The following CMTM7 variants were observed in gnomAD, a reference collection of about 807,000 sequenced individuals.
CMTM7 encodes CKLF like MARVEL transmembrane domain containing 7.
Under a neutral mutation model 19.3 loss-of-function variants are expected in CMTM7, and 7 were observed. The observed-to-expected ratio is 0.36, with a 90% confidence interval of 0.21 to 0.68. CMTM7 has a LOEUF of 0.68. CMTM7 is among the 30% of genes least tolerant of loss of function. CMTM7 has a pLI of 0.60. For missense variants in CMTM7, 193 were observed against 232.6 expected (o/e 0.83, Z 1.11); for synonymous variants, 87 against 99.3 (o/e 0.88, Z 0.74).
intron 1 of CMTM7, among the ~76,000 whole-genome samples, chr3:32,407,949 G>A (rs1369242352): frequency 6.6e-6 from 1 of 152,178 alleles, no homozygotes. Context: ...CAGAACCTGA[G>A]AATGTTCCCT....
rs1696882290 is a variant in CMTM7 at position 32,454,550 on chromosome 3, T to C, written c.*296T>C. On this transcript the variant is annotated 3_prime_UTR_variant, in exon 5 of 5. Coordinates refer to ENST00000334983, the MANE Select transcript of CMTM7 (RefSeq NM_138410.4). ...CTTCTAGAACCACCTCAGGTACTGA[T>C]GAACCCCACTTAGCACAGCTGAAGG... The C allele has an allele frequency of 1.6e-6, 1 of 637,072 alleles. No individual in the cohort carries two copies. The highest frequency in any genetic ancestry group is 1.8e-5 in the African/African-American group (1 of 55,830). The allele number at this position is 637,072 out of a possible 1,614,324, so 39.5% of individuals were successfully genotyped here.
Position 32,435,431 on chromosome 3 carries a change from C to G in CMTM7, c.160-6409C>G, listed in dbSNP as rs1393129301. The stretch of plus-strand genomic sequence containing the variant: ...AAGAAAAAAGAAAGAAATATTCATA[C>G]AGATACAAAGAAGTACATCTAATTC... On this transcript the variant is annotated intron_variant, in intron 1 of 4. Transcript: ENST00000334983. Among the ~76,000 whole-genome samples, 3 of 152,310 alleles carry G rather than the reference C, an allele frequency of 2.0e-5. No individual in the cohort carries two copies. In the East Asian group the frequency reaches 5.8e-4, roughly 29 times the overall value.
At position 32,401,406 on chromosome 3, in the gene CMTM7, G is replaced by T. The variant is rs559921375; in HGVS notation, c.159+9341G>T. ...GTCCTCCAGGCTGCAGGCAGCCAGG[G>T]CGTAAGTGGGTAGAGGAGGGGTTCG... On this transcript the variant is annotated intron_variant, in intron 1 of 4. Coordinates refer to ENST00000334983, the MANE Select transcript of CMTM7 (RefSeq NM_138410.4). 1.2e-4 allele frequency among the ~76,000 whole-genome samples: 19 copies of T among 152,348 alleles called. No individual in the cohort carries two copies. In the East Asian group the frequency reaches 3.3e-3, roughly 26 times the overall value.
chr3:32,415,709 G>C (rs1037951761), intron 1 of CMTM7, among the ~76,000 whole-genome samples: 1 of 152,192 alleles, frequency 6.6e-6, no homozygotes, highest in African/African-American at 2.4e-5. Context: ...CCTTTCAGTA[G>C]TCTAGTGAGA....
chr3:32,398,142 G>A (rs1392089895), intron 1 of CMTM7, among the ~76,000 whole-genome samples: 1 of 152,146 alleles, frequency 6.6e-6, no homozygotes, highest in Non-Finnish European at 1.5e-5. Context: ...CAGAATTGGG[G>A]TAATTATCTT....
At chr3:32,442,094 C>A in intron 2 of CMTM7, 81 bp downstream of exon 2, 1 of 1,318,250 alleles carries the variant, frequency 7.6e-7, no homozygotes, top group South Asian at 1.3e-5. Context: ...CAGAGTTTTT[C>A]CCGTCTGCCC....
At chr3:32,442,416 C>T (rs987535128) in intron 2 of CMTM7, among the ~76,000 whole-genome samples, 4 of 141,502 alleles carry the variant, frequency 2.8e-5, no homozygotes, top group African/African-American at 7.9e-5. Context: ...AGGAGAATGG[C>T]GTGAACCCGG....
chr3:32,454,882 C>T lies in CMTM7; in HGVS notation c.*628C>T. On this transcript the variant is annotated 3_prime_UTR_variant, in exon 5 of 5. Transcript: ENST00000334983. ...ATTGAACCAGATGAAGGCTGTAAAA[C>T]CTGGCCTGAAACAGTTTCCATTCGA... 5.1e-6 allele frequency: 1 copy of T among 197,830 alleles called. No individual in the cohort carries two copies. The highest frequency in any genetic ancestry group is 1.4e-4 in the East Asian group (1 of 7,234). 12.3% of individuals were successfully genotyped at this position (197,830 alleles called of 1,614,324 possible). A position where few individuals can be genotyped will look rare whatever the true frequency, so the allele number is the denominator to read the frequency against.
intron 1 of CMTM7, among the ~76,000 whole-genome samples, chr3:32,407,439 G>A (rs1362657062): frequency 6.6e-6 from 1 of 152,128 alleles, no homozygotes; most frequent in African/African-American, 2.4e-5. Flanking sequence ...GCCTTTTATG[G>A]GAGAGTTACA....
chr3:32,449,552 G>A lies in CMTM7; in HGVS notation c.432G>A (p.Ala144=), dbSNP rs369659470. 6.2e-6 allele frequency: 10 copies of A among 1,611,004 alleles called. No individual in the cohort carries two copies. Among genetic ancestry groups the A allele is most frequent in the Admixed American group, 1.7e-5 (1 of 60,000 alleles). Residue 144 remains alanine (A), a splice_region_variant and synonymous_variant, in exon 3 of 5, where the codon GCG becomes GCA. Coordinates refer to ENST00000334983, the MANE Select transcript of CMTM7 (RefSeq NM_138410.4). This position sits in a 1 kb window ranked among gnomAD's most constrained non-coding sequence, Gnocchi z 4.5. ...SYNQSGLVAG[A]IFGFMATFLC... Reference sequence around the variant, plus strand: ...ACCAGAGCGGACTGGTAGCCGGAGCGGTGAGGATGTTTTGGGGAGCCTTTA... The same window carrying A: ...ACCAGAGCGGACTGGTAGCCGGAGCAGTGAGGATGTTTTGGGGAGCCTTTA...
At chr3:32,404,142 CT>C (rs11364371) in intron 1 of CMTM7, among the ~76,000 whole-genome samples, 41,269 of 109,136 alleles carry the variant, frequency 0.38, 8,242 homozygotes, top group Non-Finnish European at 0.46. Context: ...TTCTTTCTTT[CT>C]TTTTTTTTCT....
At position 32,449,409 on chromosome 3, in the gene CMTM7, A is replaced by G. The variant is rs772081995; in HGVS notation, c.334-45A>G. 7.4e-7 allele frequency: 1 copy of G among 1,359,382 alleles called. No individual in the cohort carries two copies. The highest frequency in any genetic ancestry group is 1.2e-5 in the South Asian group (1 of 85,964). 84.2% of individuals were successfully genotyped at this position (1,359,382 alleles called of 1,614,324 possible). The stretch of plus-strand genomic sequence containing the variant: ...TGCCCAGTTGCTCTTCCCGGACCAG[A>G]AATGGACGGCCCTACCCACTTATTT... On this transcript the variant is annotated intron_variant, in intron 2 of 4. Coordinates refer to ENST00000334983, the MANE Select transcript of CMTM7 (RefSeq NM_138410.4). This position sits in a 1 kb window ranked among gnomAD's most constrained non-coding sequence, Gnocchi z 4.5.
intron 1 of CMTM7, among the ~76,000 whole-genome samples, chr3:32,438,017 C>T (rs1025561618): frequency 2.6e-5 from 4 of 152,200 alleles, no homozygotes; most frequent in African/African-American, 4.8e-5. Context: ...GGCAAGTGAA[C>T]CCTTTGGACA....
intron 1 of CMTM7, among the ~76,000 whole-genome samples, chr3:32,435,169 C>G (rs347146): frequency 0.41 from 62,216 of 151,998 alleles, 13,092 homozygotes; most frequent in South Asian, 0.52. Flanking sequence ...TTTGGGAGGC[C>G]GAGGCGGGTG....
chr3:32,450,944 C>A (rs1696820585), intron 3 of CMTM7: 1 of 152,158 alleles, frequency 6.6e-6, no homozygotes, highest in Admixed American at 6.5e-5. Flanking sequence ...AGAAAGTGGT[C>A]ATCTAGCTTA....
intron 1 of CMTM7, among the ~76,000 whole-genome samples, chr3:32,424,257 A>G (rs9810960): frequency 0.06 from 9,155 of 152,186 alleles, 306 homozygotes; most frequent in South Asian, 0.086. Context: ...CTCTCATAAC[A>G]TGGTGCCAGG....
At chr3:32,415,426 G>C (rs1169265315) in intron 1 of CMTM7, among the ~76,000 whole-genome samples, 1 of 152,198 alleles carries the variant, frequency 6.6e-6, no homozygotes, top group African/African-American at 2.4e-5. Flanking sequence ...GTCTTCCACT[G>C]TCATGCTGCC....
chr3:32,441,083 T>C (rs1023357473), intron 1 of CMTM7, among the ~76,000 whole-genome samples: 8 of 152,234 alleles, frequency 5.3e-5, no homozygotes, highest in Non-Finnish European at 1.0e-4. Context: ...GATTCCTGCA[T>C]GGTTGAGAAC....
At chr3:32,442,132 G>A in intron 2 of CMTM7, 119 bp downstream of exon 2, 4 of 889,960 alleles carry the variant, frequency 4.5e-6, no homozygotes, top group Non-Finnish European at 6.9e-6. Flanking sequence ...ATTCTTTGCT[G>A]CCTCTGCCCT....
Sources: allele counts gnomAD v4.1 joint callset (sites outside exome capture counted in the v4.1 genomes callset), GRCh38; gene constraint gnomAD v4.1.1; non-coding constraint Gnocchi (gnomAD v3.1); transcripts MANE v1.5; gene names NCBI Gene and HGNC (gene_info 2026-07-23, HGNC 2026-07-21).